Variants in SAMD8 observed in about 807,000 individuals in gnomAD.
The protein encoded by SAMD8 is sphingomyelin synthase-related protein 1.
SAMD8 carries 20 observed loss-of-function variants against 42.0 expected under a neutral mutation model. The ratio of observed to expected loss-of-function variants is 0.48; its 90% CI spans 0.34 to 0.69. SAMD8 has a LOEUF of 0.69. Among genes scored for constraint, SAMD8 ranks in the 30% least tolerant of loss-of-function variants. The pLI, the probability that SAMD8 is intolerant of heterozygous loss-of-function variation, is 0.01. For synonymous variants in SAMD8, 162 were observed against 173.0 expected, an observed-to-expected ratio of 0.94 and a Z score of 0.50; for missense variants, 328 against 511.6, an observed-to-expected ratio of 0.64 and a Z score of 3.46.
intron 2 of SAMD8, among the ~76,000 whole-genome samples, chr10:75,157,208 A>G (rs947918455): frequency 2.0e-5 from 3 of 152,180 alleles, no homozygotes; most frequent in Non-Finnish European, 4.4e-5. Flanking sequence ...TCACGTTAAA[A>G]GAATTAGGCA....
At chr10:75,121,303 G>A (rs1422706638) in intron 1 of SAMD8, among the ~76,000 whole-genome samples, 1 of 152,126 alleles carries the variant, frequency 6.6e-6, no homozygotes, top group African/African-American at 2.4e-5. Context: ...TCTAGAGCCA[G>A]TACTCTTTAC....
chr10:75,105,726 GCCTC>G, intron 1 of SAMD8: 1 of 1,554,330 alleles, frequency 6.4e-7, no homozygotes, highest in African/African-American at 1.4e-5. Flanking sequence ...GGTGCAGGAA[GCCTC>G]GGTTGGGGAA....
intron 2 of SAMD8, among the ~76,000 whole-genome samples, chr10:75,155,470 A>C (rs1471725834): frequency 6.6e-6 from 1 of 152,154 alleles, no homozygotes; most frequent in Non-Finnish European, 1.5e-5. Flanking sequence ...AAAAAAAAAA[A>C]AGTATTTTAA....
At chr10:75,103,857 G>A in intron 1 of SAMD8, 3 of 1,278,562 alleles carry the variant, frequency 2.3e-6, no homozygotes, top group South Asian at 2.5e-5. Context: ...TGGCCAAGAA[G>A]CCTGAGGGCT....
At chr10:75,137,910 G>C (rs941681772) in intron 1 of SAMD8, among the ~76,000 whole-genome samples, 2 of 152,204 alleles carry the variant, frequency 1.3e-5, no homozygotes, top group Non-Finnish European at 2.9e-5. Context: ...AAAAGAGCAT[G>C]TATCTGTTAT....
intron 1 of SAMD8, among the ~76,000 whole-genome samples, chr10:75,122,800 T>C (rs192586918): frequency 6.6e-6 from 1 of 152,032 alleles, no homozygotes; most frequent in Non-Finnish European, 1.5e-5. Context: ...TTTCTGACAA[T>C]TTGTATTATA....
chr10:75,102,558 G>A (rs559122403), intron 1 of SAMD8, among the ~76,000 whole-genome samples: 15 of 152,298 alleles, frequency 9.8e-5, no homozygotes, highest in South Asian at 2.1e-4. Context: ...CTATAATCCC[G>A]ACACTTTGGG....
At chr10:75,110,731 T>G (rs2134407860), upstream of SAMD8, among the ~76,000 whole-genome samples, 1 of 152,230 alleles carries the variant, frequency 6.6e-6, no homozygotes, top group Middle Eastern at 3.4e-3. Context: ...GTTAGAGAGA[T>G]TTGGGTTGGA....
At position 75,105,624 on chromosome 10, in the gene SAMD8, G is replaced by C. The variant is rs192829557; in HGVS notation, c.-16+5896G>C. ...CCTAGGCCCTCACCTGGCCTCTTCCGGCCAACCACATCCAGCTTTGCCCCC... is the reference window on the plus strand; with the variant it reads ...CCTAGGCCCTCACCTGGCCTCTTCCCGCCAACCACATCCAGCTTTGCCCCC... On this transcript the variant is annotated intron_variant, in intron 1 of 3. Transcript: ENST00000447533. The C allele has an allele frequency of 1.3e-5, 20 of 1,535,966 alleles. 1 individual carries two copies. The highest frequency in any genetic ancestry group is 3.6e-5 in the South Asian group (3 of 83,430).
Position 75,176,692 on chromosome 10 carries a change from A to G in SAMD8, c.1248A>G (p.Ter416TrpextTer5), listed in dbSNP as rs1308538496. 6.6e-7 allele frequency: 1 copy of G among 1,504,128 alleles called. No homozygotes were observed. The highest frequency in any genetic ancestry group is 8.9e-7 in the Non-Finnish European group (1 of 1,124,102). The allele number at this position is 1,504,128 out of a possible 1,614,324, so 93.2% of individuals were successfully genotyped here. ...KPAIMKRLIG[*>W] ...CAATAATGAAAAGACTAATTGGATG[A>G]ATACTATCTTTCTAATGAATTTGTG... The change falls in exon 6 of 6, where the codon TGA becomes TGG. Residue 416 changes from the stop codon to tryptophan, a stop_lost. Transcript: ENST00000542569. The surrounding 1 kb of genome is among the most constrained non-coding windows in gnomAD (Gnocchi z 4.3).
At chr10:75,169,619 T>C (rs758163377) in intron 4 of SAMD8, among the ~76,000 whole-genome samples, 4 of 149,474 alleles carry the variant, frequency 2.7e-5, no homozygotes, top group Non-Finnish European at 4.5e-5. Flanking sequence ...CTCACTCCTT[T>C]AAAAATGTTG....
At chr10:75,167,647 C>T (rs1277194525) in intron 3 of SAMD8, among the ~76,000 whole-genome samples, 6 of 152,220 alleles carry the variant, frequency 3.9e-5, no homozygotes, top group Non-Finnish European at 7.3e-5. Context: ...AGCTAGAGTG[C>T]AGTGGCACAA....
intron 3 of SAMD8, among the ~76,000 whole-genome samples, chr10:75,167,133 TTTTA>T (rs1274940711): frequency 2.6e-5 from 4 of 152,210 alleles, no homozygotes; most frequent in Non-Finnish European, 5.9e-5. Flanking sequence ...TACTCAGAAT[TTTTA>T]TTTGATATAT....
intron 3 of SAMD8, among the ~76,000 whole-genome samples, chr10:75,167,643 A>G (rs1840719617): frequency 6.6e-6 from 1 of 152,230 alleles, no homozygotes; most frequent in Non-Finnish European, 1.5e-5. Context: ...CCCAAGCTAG[A>G]GTGCAGTGGC....
intron 4 of SAMD8, among the ~76,000 whole-genome samples, chr10:75,168,996 C>T (rs1004460504): frequency 1.0e-4 from 15 of 149,876 alleles, no homozygotes; most frequent in Non-Finnish European, 2.1e-4. Context: ...GATGGTGAAA[C>T]TCCGTCTCTA....
intron 1 of SAMD8, among the ~76,000 whole-genome samples, chr10:75,145,772 G>A (rs979243251): frequency 2.6e-5 from 4 of 152,188 alleles, no homozygotes; most frequent in Non-Finnish European, 5.9e-5. Flanking sequence ...CCAGGAAGTG[G>A]GGAGGATTGC....
intron 1 of SAMD8, among the ~76,000 whole-genome samples, chr10:75,131,923 TTC>T (rs1849282572): frequency 1.3e-5 from 2 of 152,204 alleles, no homozygotes; most frequent in Admixed American, 1.3e-4. Flanking sequence ...GATATAAAAT[TTC>T]TGTCTCTTCT....
chr10:75,109,341 A>C (rs1281998221), upstream of SAMD8: 1 of 550,874 alleles, frequency 1.8e-6, no homozygotes, highest in African/African-American at 2.0e-5. Context: ...AAACTCCATG[A>C]GAACACAGAA....
intron 2 of SAMD8, among the ~76,000 whole-genome samples, chr10:75,157,111 TG>T (rs1840429035): frequency 6.6e-6 from 1 of 152,098 alleles, no homozygotes. Context: ...CAAGCAAATG[TG>T]GCAAAATGTT....
Sources: allele counts gnomAD v4.1 joint callset (sites outside exome capture counted in the v4.1 genomes callset), GRCh38; gene constraint gnomAD v4.1.1; non-coding constraint Gnocchi (gnomAD v3.1); transcripts MANE v1.5; gene names NCBI Gene and HGNC (gene_info 2026-07-23, HGNC 2026-07-21).